The following APBA1 variants were observed in gnomAD, a reference collection of about 807,000 sequenced individuals.
APBA1 encodes the protein amyloid-beta A4 precursor protein-binding family A member 1.
A neutral mutation model predicts 86.6 loss-of-function variants in APBA1; 55 were observed. The observed-to-expected ratio is 0.64, with a 90% CI of 0.51 to 0.80. APBA1 has a LOEUF of 0.80. Among genes scored for constraint, APBA1 ranks in the 30% least tolerant of loss-of-function variants. The probability of loss-of-function intolerance (pLI) is 0.00; values close to 1 mark genes in which losing one functional copy is unlikely to be tolerated. For synonymous variants in APBA1, 511 were observed against 493.9 expected (o/e 1.03, Z -0.46); for missense variants, 1,090 against 1,183.0 (o/e 0.92, Z 1.15).
At chr9:69,639,435 G>T (rs115173771) in intron 1 of APBA1, among the ~76,000 whole-genome samples, 1 of 152,076 alleles carries the variant, frequency 6.6e-6, no homozygotes, top group Non-Finnish European at 1.5e-5. Flanking sequence ...GCTGATTCCA[G>T]GTCAAAAGTA....
intron 1 of APBA1, among the ~76,000 whole-genome samples, chr9:69,669,824 G>T (rs1823913331): frequency 6.6e-6 from 1 of 152,132 alleles, no homozygotes; most frequent in Admixed American, 6.5e-5. Flanking sequence ...GAAAAGAACT[G>T]ATTCCTGAGT....
At chr9:69,493,999 G>A (rs540299321) in intron 2 of APBA1, among the ~76,000 whole-genome samples, 1 of 151,932 alleles carries the variant, frequency 6.6e-6, no homozygotes, top group Admixed American at 6.5e-5. Flanking sequence ...CTTGCCCCAA[G>A]ACATGTCTGT....
chr9:69,431,277 C>T lies in APBA1; in HGVS notation c.*50G>A. 2.0e-6 allele frequency: 3 copies of T among 1,463,776 alleles called. No homozygotes were observed. In the South Asian group the frequency reaches 4.0e-5, roughly 19 times the overall value. 90.7% of individuals were successfully genotyped at this position (1,463,776 alleles called of 1,614,324 possible). ...ACACAGGGATGCAGCACGAGAAACA[C>T]AACCACGAAGAGGAGAGTCCTCCAT... On this transcript the variant is annotated 3_prime_UTR_variant, in exon 13 of 13. Transcript: ENST00000265381.
chr9:69,547,637 C>T (rs148341546), intron 1 of APBA1, among the ~76,000 whole-genome samples: 264 of 152,320 alleles, frequency 1.7e-3, no homozygotes, highest in Middle Eastern at 0.01. Context: ...ATGCTGATTA[C>T]TAGAATTTGA....
Position 69,516,661 on chromosome 9 carries a change from A to C in APBA1, c.550T>G (p.Ser184Ala), listed in dbSNP as rs34788368. The change falls in exon 2 of 13, where the codon TCC (serine) becomes GCC (alanine). Residue 184 changes from serine to alanine, a missense_variant. Coordinates refer to ENST00000265381, the MANE Select transcript of APBA1 (RefSeq NM_001163.4). The surrounding 1 kb of genome is among the most constrained non-coding windows in gnomAD (Gnocchi z 7.3). ...CCGCCGTAGTCGGCATAGGGCTCGG[A>C]GTAGGGCTCGTCCTCACCGCGGTGG... ...LFHRGEDEPY[S>A]EPYADYGGLQ... 0.1 allele frequency: 167,939 copies of C among 1,608,750 alleles called. 11,384 individuals are homozygous for C. The highest frequency in any genetic ancestry group is 0.29 in the African/African-American group (21,610 of 74,926).
intron 1 of APBA1, among the ~76,000 whole-genome samples, chr9:69,664,969 C>G (rs1423731190): frequency 6.6e-6 from 1 of 152,168 alleles, no homozygotes; most frequent in Admixed American, 6.5e-5. Flanking sequence ...AACAGGGGTC[C>G]CATGTCCACT....
chr9:69,487,491 C>T (rs1188676099), intron 2 of APBA1, among the ~76,000 whole-genome samples: 1 of 151,984 alleles, frequency 6.6e-6, no homozygotes, highest in Admixed American at 6.6e-5. Context: ...TGAGTGTGTT[C>T]CCTAGAATTC....
intron 2 of APBA1, among the ~76,000 whole-genome samples, chr9:69,482,480 C>A (rs1237386470): frequency 2.0e-5 from 3 of 151,022 alleles, no homozygotes; most frequent in Admixed American, 6.6e-5. Context: ...ACAATGGGTG[C>A]TGGAGAGGAT....
At chr9:69,504,810 T>C (rs1835929265) in intron 2 of APBA1, among the ~76,000 whole-genome samples, 1 of 152,056 alleles carries the variant, frequency 6.6e-6, no homozygotes, top group Admixed American at 6.5e-5. Flanking sequence ...TCAGTGCTCC[T>C]CTGGTTCACC....
intron 3 of APBA1, among the ~76,000 whole-genome samples, chr9:69,473,696 T>TA (rs956268328): frequency 9.9e-5 from 15 of 151,766 alleles, no homozygotes; most frequent in African/African-American, 2.4e-4. Flanking sequence ...TTAAAAAAAT[T>TA]AAAAAAAAGA....
intron 12 of APBA1, among the ~76,000 whole-genome samples, chr9:69,431,979 T>C (rs1834606834): frequency 1.4e-5 from 2 of 138,100 alleles, no homozygotes; most frequent in East Asian, 3.9e-4. Context: ...ACAGCAGTGA[T>C]AAATGAATGA....
At chr9:69,525,484 C>T (rs905225068) in intron 1 of APBA1, among the ~76,000 whole-genome samples, 1 of 151,848 alleles carries the variant, frequency 6.6e-6, no homozygotes, top group Non-Finnish European at 1.5e-5. Context: ...GTTTCAAATA[C>T]CTGTGCCCCC....
chr9:69,657,808 A>G (rs1200563849), intron 1 of APBA1, among the ~76,000 whole-genome samples: 1 of 152,144 alleles, frequency 6.6e-6, no homozygotes, highest in Non-Finnish European at 1.5e-5. Context: ...CAAATTTACC[A>G]CCTTAATACC....
chr9:69,460,446 A>G (rs1236366847), intron 5 of APBA1, among the ~76,000 whole-genome samples: 1 of 152,192 alleles, frequency 6.6e-6, no homozygotes, highest in Non-Finnish European at 1.5e-5. Flanking sequence ...GACTGGCATC[A>G]GTTATAATCT....
chr9:69,537,717 C>T (rs1280621353), intron 1 of APBA1, among the ~76,000 whole-genome samples: 1 of 151,894 alleles, frequency 6.6e-6, no homozygotes, highest in East Asian at 1.9e-4. Context: ...AATAAGGTGG[C>T]CCTTTTTCAC....
intron 1 of APBA1, among the ~76,000 whole-genome samples, chr9:69,590,785 G>C (rs559653625): frequency 1.4e-4 from 22 of 152,300 alleles, no homozygotes; most frequent in Admixed American, 7.8e-4. Context: ...TCGCCAGGGT[G>C]GGGGTGGGCA....
intron 1 of APBA1, among the ~76,000 whole-genome samples, chr9:69,604,759 A>G (rs1254118237): frequency 7.0e-6 from 1 of 142,996 alleles, no homozygotes; most frequent in East Asian, 2.1e-4. Flanking sequence ...CATGAGGGTA[A>G]GCGGAGAAGC....
intron 1 of APBA1, among the ~76,000 whole-genome samples, chr9:69,533,115 A>G (rs7047649): frequency 7.0e-4 from 106 of 152,332 alleles, no homozygotes; most frequent in African/African-American, 2.5e-3. Flanking sequence ...TATAGAAAGA[A>G]CTGCCCTGAT....
At chr9:69,536,870 ACT>A (rs1450970582) in intron 1 of APBA1, among the ~76,000 whole-genome samples, 1 of 150,690 alleles carries the variant, frequency 6.6e-6, no homozygotes, top group Non-Finnish European at 1.5e-5. Flanking sequence ...ACAGAGCAAG[ACT>A]CTGTCTCAAA....
Sources: gnomAD v4.1 joint callset for allele counts (sites outside exome capture counted in the v4.1 genomes callset) on GRCh38, gnomAD v4.1.1 for gene constraint, Gnocchi (gnomAD v3.1) non-coding constraint, MANE v1.5 for transcripts, NCBI Gene and HGNC (gene_info 2026-07-23, HGNC 2026-07-21) for gene names.